The following TOX3 variants were observed in gnomAD, a reference collection of about 807,000 sequenced individuals.
TOX3 encodes TOX high mobility group box family member 3, also known as CAG trinucleotide repeat-containing gene F9 protein.
A neutral mutation model predicts 64.3 loss-of-function variants in TOX3; 22 were observed. The ratio of observed to expected loss-of-function variants is 0.34; its 90% confidence interval spans 0.24 to 0.49. TOX3 has a LOEUF of 0.49. Ranked by LOEUF, TOX3 falls within the 20% of genes least tolerant of loss-of-function variation. The pLI is 0.99. For synonymous variants in TOX3, 291 were observed against 273.6 expected (o/e 1.06, Z -0.63); for missense variants, 661 against 714.4 (o/e 0.93, Z 0.85).
At chr16:52,472,814 T>G (rs1392799954) in intron 1 of TOX3, among the ~76,000 whole-genome samples, 3 of 152,184 alleles carry the variant, frequency 2.0e-5, no homozygotes, top group Non-Finnish European at 4.4e-5. Context: ...TGAGGCACAC[T>G]GGTGGTAATA....
chr16:52,469,801 G>T (rs989071772), intron 1 of TOX3, among the ~76,000 whole-genome samples: 14 of 152,048 alleles, frequency 9.2e-5, no homozygotes, highest in Non-Finnish European at 1.8e-4. Flanking sequence ...ATTTCTGGGG[G>T]GCTCTCAATC....
intron 1 of TOX3, among the ~76,000 whole-genome samples, chr16:52,531,506 T>G (rs895737334): frequency 6.6e-6 from 1 of 152,226 alleles, no homozygotes; most frequent in Non-Finnish European, 1.5e-5. Flanking sequence ...CATATTAGAT[T>G]AACTTAAGTG....
At chr16:52,540,829 A>C (rs546098197) in intron 1 of TOX3, among the ~76,000 whole-genome samples, 14 of 152,222 alleles carry the variant, frequency 9.2e-5, no homozygotes, top group Non-Finnish European at 2.1e-4. Context: ...AGGATAGCAG[A>C]ATAAAAAGAA....
chr16:52,463,625 A>G (rs1333536207), intron 3 of TOX3, among the ~76,000 whole-genome samples: 1 of 152,250 alleles, frequency 6.6e-6, no homozygotes, highest in Non-Finnish European at 1.5e-5. Flanking sequence ...TTTCAACTCA[A>G]GCACACCTTT....
chr16:52,546,169 GCGGCCCCGAGGC>G (rs946440656), intron 1 of TOX3, among the ~76,000 whole-genome samples: 1 of 152,056 alleles, frequency 6.6e-6, no homozygotes, highest in African/African-American at 2.4e-5. Context: ...CCGTCCGTAA[GCGGCCCCGAGGC>G]CGGCTCTGGA....
chr16:52,517,689 A>G (rs1238917534), intron 1 of TOX3, among the ~76,000 whole-genome samples: 1 of 152,154 alleles, frequency 6.6e-6, no homozygotes, highest in African/African-American at 2.4e-5. Context: ...CAGAAGACCA[A>G]TCCATTGGAA....
At chr16:52,485,842 G>C (rs777386156) in intron 1 of TOX3, among the ~76,000 whole-genome samples, 1 of 152,074 alleles carries the variant, frequency 6.6e-6, no homozygotes, top group Non-Finnish European at 1.5e-5. Flanking sequence ...TTCCTTTGGA[G>C]TGTTTTCCCT....
At position 52,439,331 on chromosome 16, in the gene TOX3, G is replaced by A; in HGVS notation, c.1625C>T (p.Ser542Phe). ...GGGGCTCCCGATGGCAGGGATGGGG[G>A]ATGTTATCTGAGAGGCGACAGGGGA... ...QHSPVASQIT[S>F]PIPAIGSPQP... The change falls in exon 7 of 7, where the codon TCC becomes TTC. Residue 542 changes from serine to phenylalanine, a missense_variant. Around this residue, in one of 3 missense-constraint regions of TOX3, gnomAD observed 299 missense variants for 292.1 expected, o/e 1.02. Transcript: ENST00000219746. The A allele has an allele frequency of 6.2e-7, 1 of 1,613,338 alleles. No homozygotes were observed. Among genetic ancestry groups the A allele is most frequent in the Non-Finnish European group, 8.5e-7 (1 of 1,179,556 alleles).
intron 1 of TOX3, among the ~76,000 whole-genome samples, chr16:52,516,234 T>G (rs944759633): frequency 6.6e-6 from 1 of 152,174 alleles, no homozygotes; most frequent in African/African-American, 2.4e-5. Context: ...CATTTAATAT[T>G]TTTTATCCAT....
chr16:52,498,244 G>A (rs1961900999), intron 1 of TOX3, among the ~76,000 whole-genome samples: 1 of 152,172 alleles, frequency 6.6e-6, no homozygotes. Context: ...ATACATTAGT[G>A]TACACTGTAT....
intron 1 of TOX3, among the ~76,000 whole-genome samples, chr16:52,538,871 A>G (rs1173501541): frequency 2.0e-5 from 3 of 152,200 alleles, no homozygotes; most frequent in Non-Finnish European, 4.4e-5. Flanking sequence ...CAAAGAAAAT[A>G]AAACGATCTA....
intron 1 of TOX3, among the ~76,000 whole-genome samples, chr16:52,537,896 A>G (rs895651770): frequency 1.3e-5 from 2 of 151,006 alleles, no homozygotes; most frequent in Non-Finnish European, 3.0e-5. Context: ...AAAAAAAAAA[A>G]AAAAGAAAGA....
intron 1 of TOX3, among the ~76,000 whole-genome samples, chr16:52,504,422 G>A (rs922197136): frequency 2.7e-5 from 4 of 147,290 alleles, no homozygotes; most frequent in African/African-American, 7.5e-5. Flanking sequence ...AGCCGAGATC[G>A]TGTCACTGCA....
chr16:52,501,582 C>T (rs903805890), intron 1 of TOX3, among the ~76,000 whole-genome samples: 1 of 152,018 alleles, frequency 6.6e-6, no homozygotes, highest in Non-Finnish European at 1.5e-5. Flanking sequence ...ATCGCTTGAA[C>T]CCAGGAGGCG....
At chr16:52,451,468 AAAGAATCAAAAAATG>A (rs2151746877) in intron 3 of TOX3, among the ~76,000 whole-genome samples, 1 of 152,198 alleles carries the variant, frequency 6.6e-6, no homozygotes, top group South Asian at 2.1e-4. Context: ...TTTTAATTCC[AAAGAATCAAAAAATG>A]AAGACATGTT....
chr16:52,504,291 C>T (rs539377666), intron 1 of TOX3, among the ~76,000 whole-genome samples: 104 of 152,014 alleles, frequency 6.8e-4, no homozygotes, highest in Middle Eastern at 6.8e-3. Context: ...ACGGTGAAAC[C>T]CCGTCTCTAC....
chr16:52,547,482 C>T (rs945408669), upstream of TOX3: 1 of 152,978 alleles, frequency 6.5e-6, no homozygotes, highest in South Asian at 2.1e-4. Flanking sequence ...GTGTCCCACC[C>T]TCCTCCTGCG....
At position 52,485,488 on chromosome 16, in the gene TOX3, A is replaced by T. The variant is rs539639490; in HGVS notation, c.88-16914T>A. ...GGCAGACACTGGGGACTCCAAAAGG[A>T]CGTTGGGGGGTGATGAAGGTTGCAG... On this transcript the variant is annotated intron_variant, in intron 1 of 6. Transcript: ENST00000219746. Among the ~76,000 whole-genome samples the T allele has an allele frequency of 4.6e-4, 70 of 151,944 alleles. 1 individual carries two copies. Among genetic ancestry groups the T allele is most frequent in the African/African-American group, 1.7e-3 (69 of 41,406 alleles).
In TOX3 at chr16:52,546,658, C is replaced by A. The variant is rs958113524; in HGVS notation, c.66G>T (p.Leu22=). 4 of 1,543,292 alleles carry A rather than the reference C, an allele frequency of 2.6e-6. No homozygotes were observed. In the East Asian group the frequency reaches 9.7e-5, roughly 38 times the overall value. Residue 22 remains leucine (L), a synonymous_variant, in exon 1 of 7, where the codon CTG becomes CTT. Coordinates refer to ENST00000219746, the MANE Select transcript of TOX3 (RefSeq NM_001080430.4). ...TCACCTTGCTGTAGCCGTAGTACCC[C>A]AGGCACTGCGCGAAGTCCAGGCTGG... ...DPASLDFAQC[L]GYYGYSKFGN...
Sources: allele counts gnomAD v4.1 joint callset (sites outside exome capture counted in the v4.1 genomes callset), GRCh38; gene constraint gnomAD v4.1.1; regional missense constraint gnomAD v4.1.1; transcripts MANE v1.5; gene names NCBI Gene and HGNC (gene_info 2026-07-23, HGNC 2026-07-21).